Variants in TEX14 observed in about 807,000 individuals in gnomAD.
TEX14 encodes testis expressed 14, intercellular bridge forming factor.
A neutral mutation model predicts 178.6 loss-of-function variants in TEX14; 168 were observed. That is an observed-to-expected ratio of 0.94 (90% CI 0.83 to 1.07). The LOEUF is 1.07. Ranked by LOEUF, TEX14 falls within the 50% of genes least tolerant of loss-of-function variation. TEX14 has a pLI of 0.00. For synonymous variants in TEX14, 626 were observed against 634.1 expected, an observed-to-expected ratio of 0.99 and a Z score of 0.19; for missense variants, 1,730 against 1,753.6, an observed-to-expected ratio of 0.99 and a Z score of 0.24.
chr17:58,687,688 T>C (rs1188382724), intron 1 of TEX14, among the ~76,000 whole-genome samples: 1 of 151,986 alleles, frequency 6.6e-6, no homozygotes, highest in Non-Finnish European at 1.5e-5. Flanking sequence ...AATAAACTTC[T>C]CCCCAGCTAT....
Position 58,585,610 on chromosome 17 carries a change from GTTTTTTTTTTT to G in TEX14, c.3070+180_3070+190del, listed in dbSNP as rs879707841. 8.4e-5 allele frequency among the ~76,000 whole-genome samples: 7 copies of G among 83,066 alleles called. No homozygotes were observed. In the East Asian group the frequency reaches 2.4e-3, roughly 29 times the overall value. 54.5% of individuals were successfully genotyped at this position (83,066 alleles called of 152,430 possible). On this transcript the variant is annotated intron_variant, in intron 18 of 31. Transcript: ENST00000349033. ...GCGTGTGCCACCACGCCCAGCTAAT[GTTTTTTTTTTT>G]TTTTTTTTTTTTTTTGTAGAGACCA...
chr17:58,563,646 TATATATATATATAGAG>T (rs1328169683), intron 28 of TEX14, among the ~76,000 whole-genome samples: 1 of 29,700 alleles, frequency 3.4e-5, no homozygotes, highest in South Asian at 1.5e-3. Context: ...TATATATATA[TATATATATATATAGAG>T]AGAGAGAGAG....
intron 19 of TEX14, among the ~76,000 whole-genome samples, chr17:58,582,970 CT>C (rs34304842): frequency 5.5e-3 from 734 of 134,574 alleles, no homozygotes; most frequent in Middle Eastern, 0.011. Context: ...TCACTTCAGT[CT>C]TTTTTTTTTT....
chr17:58,623,873 G>C (rs542664056), intron 3 of TEX14, among the ~76,000 whole-genome samples: 14 of 152,036 alleles, frequency 9.2e-5, no homozygotes, highest in African/African-American at 2.7e-4. Flanking sequence ...ATGAAGAGAA[G>C]ATAAGAAAAA....
At chr17:58,654,505 C>CTTT (rs1267652949) in intron 1 of TEX14, among the ~76,000 whole-genome samples, 1 of 135,354 alleles carries the variant, frequency 7.4e-6, no homozygotes, top group Admixed American at 7.5e-5. Flanking sequence ...CAACTTGTAA[C>CTTT]TTTTTTTTTT....
intron 2 of TEX14, among the ~76,000 whole-genome samples, chr17:58,634,851 G>C (rs2046398351): frequency 6.6e-6 from 1 of 152,128 alleles, no homozygotes; most frequent in African/African-American, 2.4e-5. Context: ...AATGTCTCCA[G>C]CCAGGCATGG....
At chr17:58,594,309 G>A (rs1346722476) in intron 14 of TEX14, among the ~76,000 whole-genome samples, 1 of 151,324 alleles carries the variant, frequency 6.6e-6, no homozygotes, top group African/African-American at 2.4e-5. Flanking sequence ...AAAGGCCCTT[G>A]GGTTCTAGTC....
At chr17:58,591,652 GT>G (rs1008812869) in intron 15 of TEX14, among the ~76,000 whole-genome samples, 9 of 149,340 alleles carry the variant, frequency 6.0e-5, no homozygotes, top group African/African-American at 2.2e-4. Flanking sequence ...GGAATAAAAA[GT>G]TTTTTTTTCC....
intron 4 of TEX14, 39 bp from the exon 5 acceptor site, chr17:58,621,825 A>C: frequency 6.3e-7 from 1 of 1,576,026 alleles, no homozygotes; most frequent in East Asian, 2.3e-5. Context: ...CGGGCGCACC[A>C]GTTCTCAATG....
intron 8 of TEX14, among the ~76,000 whole-genome samples, chr17:58,614,984 G>C (rs990559578): frequency 8.5e-5 from 13 of 152,202 alleles, no homozygotes; most frequent in Non-Finnish European, 1.6e-4. Flanking sequence ...CAGAGACATG[G>C]GTTACAGGGC....
chr17:58,599,056 CT>C lies in TEX14; in HGVS notation c.2288del (p.Lys763ArgfsTer31), dbSNP rs750626827. On this transcript the variant is annotated frameshift_variant, in exon 14 of 32. Transcript: ENST00000349033. LOFTEE classifies it high-confidence loss of function. ...QILDEVEMKQ[K>X]EQEERMSLWA... The stretch of plus-strand genomic sequence containing the variant: ...ATAAAGACATGCGCTCTTCCTGTTC[CT>C]TCTGTTTCATCTCGACTTCATCTAA... 6.8e-6 allele frequency: 11 copies of C among 1,614,040 alleles called. No homozygotes were observed. The highest frequency in any genetic ancestry group is 9.3e-6 in the Non-Finnish European group (11 of 1,180,032).
At chr17:58,661,074 T>C (rs763375360) in intron 1 of TEX14, 6 of 1,075,698 alleles carry the variant, frequency 5.6e-6, no homozygotes. Flanking sequence ...GATTTCATTG[T>C]AGACAACTTA....
chr17:58,574,097 T>C, intron 22 of TEX14, 90 bp downstream of exon 22: 1 of 1,075,154 alleles, frequency 9.3e-7, no homozygotes, highest in African/African-American at 1.6e-5. Flanking sequence ...CACGTAAAAA[T>C]GGAAAGATCC....
rs1567773273 is a variant in TEX14, at chr17:58,678,855, A to AT, written c.-2+13083_-2+13084insA. ...AATAATAATAATAATAATAATAATA[A>AT]AAGAGAAGGACACTGGAGCCAGGCG... On this transcript the variant is annotated intron_variant, in intron 1 of 31. Coordinates refer to ENST00000349033, the MANE Select transcript of TEX14 (RefSeq NM_031272.5). Among the ~76,000 whole-genome samples, 14 of 149,192 alleles carry AT rather than the reference A, an allele frequency of 9.4e-5. No individual in the cohort carries two copies. In the East Asian group the frequency reaches 1.8e-3, roughly 19 times the overall value.
At chr17:58,679,015 G>T (rs541484233) in intron 1 of TEX14, among the ~76,000 whole-genome samples, 1 of 151,794 alleles carries the variant, frequency 6.6e-6, no homozygotes, top group Non-Finnish European at 1.5e-5. Flanking sequence ...TTAGCAAGGC[G>T]TGGTGGCGTG....
intron 5 of TEX14, among the ~76,000 whole-genome samples, chr17:58,619,796 CAA>C (rs71367606): frequency 6.4e-4 from 47 of 73,794 alleles, no homozygotes; most frequent in Non-Finnish European, 8.2e-4. Context: ...GACTCAGTCT[CAA>C]AAAAAAAAAA....
chr17:58,577,512 CA>C, intron 20 of TEX14, 56 bp from the exon 21 acceptor site: 4 of 600,222 alleles, frequency 6.7e-6, no homozygotes, highest in Non-Finnish European at 1.0e-5. Context: ...GAATCTTTGT[CA>C]ACCCAAATTA....
In TEX14 at chr17:58,611,275, G is replaced by A; in HGVS notation, c.1070C>T (p.Ala357Val). 2 of 1,611,938 alleles carry A rather than the reference G, an allele frequency of 1.2e-6. No individual in the cohort carries two copies. The highest frequency in any genetic ancestry group is 1.3e-5 in the African/African-American group (1 of 74,964). Residue 357 changes from alanine (A) to valine (V), a missense_variant, in exon 10 of 32, where the codon GCC becomes GTC. By Grantham distance (64) the Ala-to-Val change is moderately conservative. Around this residue, in one of 2 missense-constraint regions of TEX14, gnomAD observed 789 missense variants for 681.2 expected, o/e 1.16. Transcript: ENST00000349033. Reference protein sequence around the residue: ...IVHLLLQISDALRYLHFQGFI... With the variant: ...IVHLLLQISDVLRYLHFQGFI... ...CCCCTGGAAATGCAGGTATCTCAGG[G>A]CATCAGATATCTGGAGCAGCAGGTG...
At chr17:58,650,877 C>T (rs1429567086) in intron 2 of TEX14, among the ~76,000 whole-genome samples, 1 of 152,178 alleles carries the variant, frequency 6.6e-6, no homozygotes, top group Non-Finnish European at 1.5e-5. Context: ...GGAGAAAAAC[C>T]AGGTCACCCT....
Sources: gnomAD v4.1 joint callset for allele counts (sites outside exome capture counted in the v4.1 genomes callset) on GRCh38, gnomAD v4.1.1 for gene constraint, gnomAD v4.1.1 regional missense constraint, MANE v1.5 for transcripts, NCBI Gene and HGNC (gene_info 2026-07-23, HGNC 2026-07-21) for gene names.